Variants in ADGRL3 observed in about 807,000 individuals in gnomAD.
The protein encoded by ADGRL3 is calcium-independent alpha-latrotoxin receptor 3.
A neutral mutation model predicts 153.5 loss-of-function variants in ADGRL3; 62 were observed. The observed-to-expected ratio is 0.40, with a 90% CI of 0.33 to 0.50. ADGRL3 has a LOEUF of 0.50. Among genes scored for constraint, ADGRL3 ranks in the 20% least tolerant of loss-of-function variants. The pLI is 0.47. For missense variants in ADGRL3, 1,641 were observed against 1,859.4 expected (o/e 0.88, Z 2.16); for synonymous variants, 710 against 672.5 (o/e 1.06, Z -0.86).
At chr4:61,724,859 A>G (rs531953710) in intron 6 of ADGRL3, among the ~76,000 whole-genome samples, 1 of 152,306 alleles carries the variant, frequency 6.6e-6, no homozygotes, top group South Asian at 2.1e-4. Context: ...AATAATAACT[A>G]TTAGGGAGAC....
At chr4:61,749,522 T>C (rs992660320) in intron 8 of ADGRL3, among the ~76,000 whole-genome samples, 10 of 152,186 alleles carry the variant, frequency 6.6e-5, no homozygotes, top group African/African-American at 2.2e-4. Context: ...TGGAATACTA[T>C]GCAACCATAA....
chr4:61,931,022 C>T (rs1239177835), intron 13 of ADGRL3, among the ~76,000 whole-genome samples: 2 of 151,994 alleles, frequency 1.3e-5, no homozygotes, highest in South Asian at 2.1e-4. Context: ...ATTTAATTAA[C>T]CTTCATTTAG....
chr4:61,445,326 T>C (rs2097570383), intron 2 of ADGRL3, among the ~76,000 whole-genome samples: 1 of 152,188 alleles, frequency 6.6e-6, no homozygotes, highest in Non-Finnish European at 1.5e-5. Flanking sequence ...TATATCAACC[T>C]GAGGGCTAGC....
At chr4:61,721,597 C>T (rs761080834) in intron 6 of ADGRL3, among the ~76,000 whole-genome samples, 2 of 152,148 alleles carry the variant, frequency 1.3e-5, no homozygotes, top group Non-Finnish European at 2.9e-5. Context: ...TTGGTAACAC[C>T]CTCACAGACA....
At chr4:61,299,535 A>G (rs558331282) in intron 1 of ADGRL3, among the ~76,000 whole-genome samples, 1 of 152,328 alleles carries the variant, frequency 6.6e-6, no homozygotes, top group Admixed American at 6.5e-5. Context: ...CAATCTATGC[A>G]CAATGTTGCC....
chr4:61,863,449 G>T (rs945128298), intron 9 of ADGRL3, among the ~76,000 whole-genome samples: 5 of 151,578 alleles, frequency 3.3e-5, no homozygotes, highest in African/African-American at 4.8e-5. Flanking sequence ...GTTTTAGCCG[G>T]GATGGTCTCG....
At chr4:61,536,849 C>A (rs1313816280) in intron 4 of ADGRL3, among the ~76,000 whole-genome samples, 2 of 151,916 alleles carry the variant, frequency 1.3e-5, no homozygotes, top group Non-Finnish European at 2.9e-5. Context: ...CCAGATAAAT[C>A]TTTTAAGTGG....
intron 2 of ADGRL3, among the ~76,000 whole-genome samples, chr4:61,482,798 A>T (rs1364874014): frequency 6.6e-6 from 1 of 152,188 alleles, no homozygotes; most frequent in Non-Finnish European, 1.5e-5. Context: ...ATAGTTTTGG[A>T]AAGCCACTTT....
chr4:61,444,552 A>G (rs2097560681), intron 2 of ADGRL3, among the ~76,000 whole-genome samples: 1 of 152,110 alleles, frequency 6.6e-6, no homozygotes, highest in Admixed American at 6.6e-5. Context: ...TATATCCTTT[A>G]TCATCCACTT....
chr4:61,921,524 T>C (rs1174845509), intron 13 of ADGRL3, among the ~76,000 whole-genome samples: 1 of 152,124 alleles, frequency 6.6e-6, no homozygotes, highest in Non-Finnish European at 1.5e-5. Context: ...GTTCAAGCGC[T>C]TCTCTCCCAA....
At chr4:61,764,137 A>C (rs2096945007) in intron 8 of ADGRL3, among the ~76,000 whole-genome samples, 1 of 152,194 alleles carries the variant, frequency 6.6e-6, no homozygotes, top group South Asian at 2.1e-4. Context: ...AAACCATTAC[A>C]TAATTTTATA....
rs539180651 is a variant in ADGRL3, at chr4:61,246,562, G to A, written c.-240+44797G>A. Reference sequence around the variant, plus strand: ...TTTAGGTTGAAACTTAGCAATATTGGCTTTGAAGACACCCAAGTCTAATGT... The same window carrying A: ...TTTAGGTTGAAACTTAGCAATATTGACTTTGAAGACACCCAAGTCTAATGT... On this transcript the variant is annotated intron_variant, in intron 1 of 26. Coordinates refer to ENST00000683033, the MANE Select transcript of ADGRL3 (RefSeq NM_001387552.1). Among the ~76,000 whole-genome samples the A allele has an allele frequency of 1.5e-3, 227 of 151,716 alleles. 1 individual carries two copies. Among genetic ancestry groups the A allele is most frequent in the African/African-American group, 4.9e-3 (201 of 41,432 alleles).
intron 1 of ADGRL3, among the ~76,000 whole-genome samples, chr4:61,276,212 C>T (rs1233127022): frequency 1.3e-5 from 2 of 152,106 alleles, no homozygotes; most frequent in South Asian, 2.1e-4. Context: ...TTGACATCCT[C>T]AACAAAGAAG....
intron 26 of ADGRL3, among the ~76,000 whole-genome samples, chr4:62,069,064 A>AT (rs2151922587): frequency 6.6e-6 from 1 of 152,196 alleles, no homozygotes; most frequent in Non-Finnish European, 1.5e-5. Flanking sequence ...GTGTTTTTTC[A>AT]TTTTGTGGTT....
intron 1 of ADGRL3, among the ~76,000 whole-genome samples, chr4:61,274,693 G>A (rs923688994): frequency 6.6e-6 from 1 of 152,122 alleles, no homozygotes; most frequent in Non-Finnish European, 1.5e-5. Context: ...GGAGGCAGAG[G>A]CAGGAGGATT....
At chr4:61,210,844 C>A (rs1739659493) in intron 1 of ADGRL3, among the ~76,000 whole-genome samples, 5 of 152,026 alleles carry the variant, frequency 3.3e-5, no homozygotes. Flanking sequence ...GTATCTATAG[C>A]CTTTATTTAT....
intron 8 of ADGRL3, chr4:61,775,911 A>ATTT (rs950649155): frequency 9.3e-6 from 2 of 214,634 alleles, no homozygotes; most frequent in South Asian, 3.3e-4. Flanking sequence ...TTATTTATTT[A>ATTT]TTTTTTTGAG....
intron 5 of ADGRL3, among the ~76,000 whole-genome samples, chr4:61,671,832 A>G (rs1222277171): frequency 6.6e-6 from 1 of 152,150 alleles, no homozygotes; most frequent in African/African-American, 2.4e-5. Context: ...AGACAGCAGT[A>G]TCATGATTTT....
intron 8 of ADGRL3, among the ~76,000 whole-genome samples, chr4:61,737,071 C>CT (rs559624083): frequency 4.5e-4 from 66 of 145,450 alleles, no homozygotes; most frequent in Admixed American, 1.8e-3. Context: ...ATTACATTGA[C>CT]TTTTTTTTTT....
Sources: allele counts gnomAD v4.1 joint callset (sites outside exome capture counted in the v4.1 genomes callset), GRCh38; gene constraint gnomAD v4.1.1; transcripts MANE v1.5; gene names NCBI Gene and HGNC (gene_info 2026-07-23, HGNC 2026-07-21).